Variants in MRPL23 observed in about 807,000 individuals in gnomAD.
MRPL23 encodes the protein mitochondrial ribosomal protein L23.
For synonymous variants in MRPL23, 12 were observed against 34.8 expected, an observed-to-expected ratio of 0.35 and a Z score of 2.30; for missense variants, 25 against 81.3, an observed-to-expected ratio of 0.31 and a Z score of 2.66.
chr11:1,993,204 T>C, the MRPL23 span: 52 of 96,198 alleles, frequency 5.4e-4, 1 homozygote, highest in African/African-American at 1.5e-3. Context: ...CCAAGAGGCC[T>C]GTGTCCCTTC....
downstream of MRPL23, among the ~76,000 whole-genome samples, chr11:1,989,030 G>A (rs1437881397): frequency 2.8e-5 from 4 of 140,480 alleles, 1 homozygote; most frequent in South Asian, 5.6e-4. Context: ...TCAGGCCGAC[G>A]CATCCCACCT....
chr11:1,959,315 G>A (rs115505276), downstream of MRPL23, among the ~76,000 whole-genome samples: 1 of 75,118 alleles, frequency 1.3e-5, no homozygotes, highest in African/African-American at 4.2e-5. Context: ...AGAGCCCTGC[G>A]TGCCGCACCC....
At chr11:1,953,726 G>A (rs1856355900) in intron 4 of MRPL23, among the ~76,000 whole-genome samples, 2 of 96,168 alleles carry the variant, frequency 2.1e-5, no homozygotes, top group Middle Eastern at 5.3e-3. Flanking sequence ...GCAGTCACAC[G>A]ATGGTGGAAA....
chr11:1,964,019 C>T (rs148061432), downstream of MRPL23, among the ~76,000 whole-genome samples: 10 of 143,938 alleles, frequency 6.9e-5, 1 homozygote, highest in South Asian at 5.0e-4. Flanking sequence ...CCCACATGGC[C>T]GTCCCTCCTC....
chr11:1,991,895 A>C, the MRPL23 span: 1 of 131,498 alleles, frequency 7.6e-6, no homozygotes, highest in Non-Finnish European at 1.7e-5. Context: ...CAGACCCAAA[A>C]CATCGCTTTG....
At chr11:1,984,005 C>T (rs1225667616) in intron 5 of MRPL23, 1 of 107,442 alleles carries the variant, frequency 9.3e-6, no homozygotes, top group Non-Finnish European at 2.1e-5. Flanking sequence ...CCCCCAGGTG[C>T]ACTGGGGGAT....
At chr11:1,951,049 T>C in intron 2 of MRPL23, 28 bp downstream of exon 2, 1 of 118,936 alleles carries the variant, frequency 8.4e-6, no homozygotes, top group Non-Finnish European at 1.4e-5. Context: ...CCGGCTGGGG[T>C]TGGGGAGCAC....
chr11:1,958,200 CT>C (rs896727579), downstream of MRPL23, among the ~76,000 whole-genome samples: 13 of 131,650 alleles, frequency 9.9e-5, 4 homozygotes, highest in Admixed American at 1.1e-3. Context: ...AGGGTCCTGG[CT>C]TTTCCTTCTG....
Position 1,956,233 on chromosome 11 carries a change from G to C in MRPL23, c.298-23G>C, listed in dbSNP as rs200856021. ...CTGAGGAGTCTTTGCAGCTCTGGCTGGAGCCTTTGTTCTCCCCCTTAGGCC... is the reference window on the plus strand; with the variant it reads ...CTGAGGAGTCTTTGCAGCTCTGGCTCGAGCCTTTGTTCTCCCCCTTAGGCC... On this transcript the variant is annotated intron_variant, in intron 4 of 4. Coordinates refer to ENST00000397298, the MANE Select transcript of MRPL23 (RefSeq NM_021134.4). 45 of 949,558 alleles carry C rather than the reference G, an allele frequency of 4.7e-5. 5 individuals are homozygous for C. Among genetic ancestry groups the C allele is most frequent in the East Asian group, 4.4e-4 (16 of 35,958 alleles). 58.8% of individuals were successfully genotyped at this position (949,558 alleles called of 1,614,324 possible). A position where few individuals can be genotyped will look rare whatever the true frequency, so the allele number is the denominator to read the frequency against.
the MRPL23 span, chr11:1,992,136 C>T: frequency 1.8e-4 from 11 of 59,576 alleles, no homozygotes; most frequent in Admixed American, 1.5e-3. Context: ...ACACACCCCG[C>T]GGAGCATCTC....
At chr11:1,983,504 C>A (rs1281059643) in intron 5 of MRPL23, 6 of 94,056 alleles carry the variant, frequency 6.4e-5, no homozygotes, top group Non-Finnish European at 1.2e-4. Context: ...GTCTTTCTCC[C>A]ACGGGCCGTC....
chr11:1,991,615 A>T, the MRPL23 span, among the ~76,000 whole-genome samples: 1 of 137,802 alleles, frequency 7.3e-6, no homozygotes, highest in Non-Finnish European at 1.6e-5. Context: ...TGAAAACACA[A>T]GCAAGCTGGG....
At chr11:1,951,648 G>A (rs76416092) in intron 2 of MRPL23, among the ~76,000 whole-genome samples, 1,736 of 87,718 alleles carry the variant, frequency 0.02, 406 homozygotes, top group Middle Eastern at 0.049. Context: ...TTAACGCACC[G>A]AATGCCAGGC....
chr11:1,988,896 C>T (rs1164233013), downstream of MRPL23, among the ~76,000 whole-genome samples: 5 of 145,864 alleles, frequency 3.4e-5, no homozygotes, highest in Non-Finnish European at 6.2e-5. Flanking sequence ...CCTCTCCAGC[C>T]GCTCCCTTCC....
At chr11:1,994,414 A>C in the MRPL23 span, among the ~76,000 whole-genome samples, 1 of 93,524 alleles carries the variant, frequency 1.1e-5, no homozygotes, top group Admixed American at 1.0e-4. Flanking sequence ...CTCCAGCAGC[A>C]AGACCCCGGG....
chr11:1,988,666 T>G (rs1274448147), downstream of MRPL23, among the ~76,000 whole-genome samples: 1 of 125,014 alleles, frequency 8.0e-6, no homozygotes, highest in Non-Finnish European at 1.7e-5. Context: ...GCAGGGACCT[T>G]CCCGGCGGCC....
chr11:1,968,831 TC>T (rs1188553599), intron 4 of MRPL23, among the ~76,000 whole-genome samples: 2 of 45,088 alleles, frequency 4.4e-5, no homozygotes, highest in African/African-American at 1.7e-4. Flanking sequence ...CCAGTCTGGC[TC>T]TGCATGTCCC....
downstream of MRPL23, among the ~76,000 whole-genome samples, chr11:1,960,059 C>G (rs1460901128): frequency 1.7e-5 from 2 of 114,598 alleles, no homozygotes; most frequent in African/African-American, 6.0e-5. Flanking sequence ...GTGGAGGGCC[C>G]TCGGGACCGC....
At chr11:1,988,672 C>A (rs569743959), downstream of MRPL23, among the ~76,000 whole-genome samples, 2 of 125,480 alleles carry the variant, frequency 1.6e-5, no homozygotes, top group Non-Finnish European at 3.5e-5. Flanking sequence ...ACCTTCCCGG[C>A]GGCCCCAGTG....
Sources: allele counts gnomAD v4.1 joint callset (sites outside exome capture counted in the v4.1 genomes callset), GRCh38; gene constraint gnomAD v4.1.1; transcripts MANE v1.5; gene names NCBI Gene and HGNC (gene_info 2026-07-23, HGNC 2026-07-21).